Variants in RPAP2 observed in about 807,000 individuals in gnomAD.
RPAP2 encodes putative RNA polymerase II subunit B1 CTD phosphatase RPAP2.
A neutral mutation model predicts 73.1 loss-of-function variants in RPAP2; 52 were observed. That is an observed-to-expected ratio of 0.71 (90% confidence interval 0.57 to 0.90). RPAP2 has a LOEUF of 0.90. RPAP2 is among the 40% of genes least tolerant of loss of function. The probability of loss-of-function intolerance (pLI) is 0.00; values close to 1 mark genes in which losing one functional copy is unlikely to be tolerated. For synonymous variants in RPAP2, 225 were observed against 242.1 expected, an observed-to-expected ratio of 0.93 and a Z score of 0.65; for missense variants, 598 against 701.8, an observed-to-expected ratio of 0.85 and a Z score of 1.67.
chr1:92,380,463 A>G (rs1191524485), intron 11 of RPAP2, among the ~76,000 whole-genome samples: 1 of 152,146 alleles, frequency 6.6e-6, no homozygotes, highest in Non-Finnish European at 1.5e-5. Context: ...GCAGAATTTT[A>G]GTAGTTTTTG....
At chr1:92,309,708 A>G (rs1308180701) in intron 6 of RPAP2, among the ~76,000 whole-genome samples, 1 of 152,216 alleles carries the variant, frequency 6.6e-6, no homozygotes, top group Non-Finnish European at 1.5e-5. Flanking sequence ...GTTGACTTTA[A>G]TGGGGACCTG....
chr1:92,332,765 C>G (rs1223992472), intron 8 of RPAP2, among the ~76,000 whole-genome samples: 4 of 152,040 alleles, frequency 2.6e-5, no homozygotes, highest in African/African-American at 9.7e-5. Context: ...TTGAAGGATA[C>G]CCTGAACTCT....
At chr1:92,319,345 G>A (rs1167336109) in intron 6 of RPAP2, among the ~76,000 whole-genome samples, 1 of 152,150 alleles carries the variant, frequency 6.6e-6, no homozygotes, top group Non-Finnish European at 1.5e-5. Context: ...GTGATTTTGG[G>A]CAAATTGCTT....
intron 12 of RPAP2, among the ~76,000 whole-genome samples, chr1:92,384,876 G>T (rs914011537): frequency 2.0e-5 from 3 of 152,106 alleles, no homozygotes; most frequent in African/African-American, 7.2e-5. Context: ...TTGGCTGGGT[G>T]CAGTAGCTTA....
chr1:92,324,303 G>A lies in RPAP2; in HGVS notation c.1383G>A (p.Leu461=), dbSNP rs755854374. ...AAAAAGAAACTGAAAAGTTAAATCTGAGGATCAGGGAGTTTTACAGAGGAC... is the reference window on the plus strand; with the variant it reads ...AAAAAGAAACTGAAAAGTTAAATCTAAGGATCAGGGAGTTTTACAGAGGAC... The part of the protein sequence containing the change: ...NLKKETEKLN[L]RIREFYRGRY... Residue 461 remains leucine (L), a synonymous_variant, in exon 8 of 13, where the codon CTG becomes CTA. Transcript: ENST00000610020. 5.6e-6 allele frequency: 9 copies of A among 1,614,070 alleles called. No individual in the cohort carries two copies. In the Admixed American group the frequency reaches 1.5e-4, roughly 27 times the overall value.
rs1571129478 is a variant in RPAP2, at chr1:92,364,656, T to C, written c.1689-16068T>C. ...GAATTGTGCTTCTCTTTATCTCTCA[T>C]ATCTAATCAATTGCTAAGTCCTTTT... On this transcript the variant is annotated intron_variant, in intron 11 of 12. Transcript: ENST00000610020. 1.3e-5 allele frequency among the ~76,000 whole-genome samples: 2 copies of C among 152,196 alleles called. 1 individual carries two copies. The highest frequency in any genetic ancestry group is 3.9e-4 in the East Asian group (2 of 5,192).
intron 11 of RPAP2, among the ~76,000 whole-genome samples, chr1:92,377,890 T>A (rs1041190032): frequency 6.6e-6 from 1 of 152,220 alleles, no homozygotes; most frequent in African/African-American, 2.4e-5. Context: ...AGAGAAGTAT[T>A]ATTATTCCTA....
At position 92,355,877 on chromosome 1, in the gene RPAP2, T is replaced by G. The variant is rs1013366684; in HGVS notation, c.1688+9963T>G. Among the ~76,000 whole-genome samples the G allele has an allele frequency of 9.2e-5, 14 of 152,250 alleles. 1 individual carries two copies. In the Middle Eastern group the frequency reaches 0.01, roughly 111 times the overall value. ...AATCCAAACTCCAAAACAGTTCTGG[T>G]CCCAAGCATTTTAGATAAGGGATAC... On this transcript the variant is annotated intron_variant, in intron 11 of 12. Transcript: ENST00000610020.
rs930824058 is a variant in RPAP2 at position 92,390,575 on chromosome 1, C to G, written c.*3564C>G. On this transcript the variant is annotated 3_prime_UTR_variant, in exon 13 of 13. Coordinates refer to ENST00000610020, the MANE Select transcript of RPAP2 (RefSeq NM_024813.3). The stretch of plus-strand genomic sequence containing the variant: ...ACCTTAAATGTAAATGGGATAAATG[C>G]CCCAATTAAAAGACACAGACTGGCA... The G allele has an allele frequency of 2.0e-5, 3 of 152,100 alleles. No individual in the cohort carries two copies. The highest frequency in any genetic ancestry group is 7.2e-5 in the African/African-American group (3 of 41,402). 9.4% of individuals were successfully genotyped at this position (152,100 alleles called of 1,614,324 possible).
rs1410547952 is a variant in RPAP2 at position 92,391,156 on chromosome 1, T to C, written c.*4145T>C. Reference sequence around the variant, plus strand: ...TGGAAGTAAAGCACTCTTCAGCAAATGCAAAAGAACAGAAATCACAACAAA... The same window carrying C: ...TGGAAGTAAAGCACTCTTCAGCAAACGCAAAAGAACAGAAATCACAACAAA... On this transcript the variant is annotated 3_prime_UTR_variant, in exon 13 of 13. Coordinates refer to ENST00000610020, the MANE Select transcript of RPAP2 (RefSeq NM_024813.3). The C allele has an allele frequency of 6.6e-6, 1 of 152,092 alleles. No individual in the cohort carries two copies. The highest frequency in any genetic ancestry group is 6.5e-5 in the Admixed American group (1 of 15,268). The allele number at this position is 152,092 out of a possible 1,614,324, so 9.4% of individuals were successfully genotyped here. A position where few individuals can be genotyped will look rare whatever the true frequency, so the allele number is the denominator to read the frequency against.
intron 6 of RPAP2, among the ~76,000 whole-genome samples, chr1:92,313,081 G>T (rs1651694036): frequency 6.6e-6 from 1 of 152,140 alleles, no homozygotes; most frequent in Non-Finnish European, 1.5e-5. Flanking sequence ...TGGCCAGGCT[G>T]GTCTCGAACT....
At chr1:92,369,268 A>G (rs1354872290) in intron 11 of RPAP2, among the ~76,000 whole-genome samples, 7 of 152,074 alleles carry the variant, frequency 4.6e-5, no homozygotes, top group Admixed American at 1.3e-4. Context: ...CCACCATGTT[A>G]TTATGGGGTT....
rs1358018222 is a variant in RPAP2, at chr1:92,388,353, CA to C, written c.*1344del. The C allele has an allele frequency of 2.0e-5, 3 of 152,286 alleles. No individual in the cohort carries two copies. The highest frequency in any genetic ancestry group is 7.2e-5 in the African/African-American group (3 of 41,418). The allele number at this position is 152,286 out of a possible 1,614,324, so 9.4% of individuals were successfully genotyped here. On this transcript the variant is annotated 3_prime_UTR_variant, in exon 13 of 13. Coordinates refer to ENST00000610020, the MANE Select transcript of RPAP2 (RefSeq NM_024813.3). ...CCCAGGAGTTCAAGACCAGCCTGGG[CA>C]ACAAAGTGAGACCCTGTCTCCACAA...
At chr1:92,357,461 G>C (rs1654532647) in intron 11 of RPAP2, among the ~76,000 whole-genome samples, 1 of 152,178 alleles carries the variant, frequency 6.6e-6, no homozygotes, top group African/African-American at 2.4e-5. Flanking sequence ...AGTATTCTAG[G>C]AAGTACCTAT....
intron 7 of RPAP2, 112 bp downstream of exon 7, chr1:92,320,746 G>A (rs920227998): frequency 2.7e-6 from 2 of 735,002 alleles, no homozygotes; most frequent in Admixed American, 4.5e-5. Flanking sequence ...CATTATGTAA[G>A]TGTCCCATTC....
At chr1:92,341,238 A>G (rs1653575824) in intron 10 of RPAP2, among the ~76,000 whole-genome samples, 1 of 152,112 alleles carries the variant, frequency 6.6e-6, no homozygotes, top group Non-Finnish European at 1.5e-5. Context: ...CGAACTCCTG[A>G]GCCCAAGCAA....
At chr1:92,368,515 CAG>C (rs1655019660) in intron 11 of RPAP2, among the ~76,000 whole-genome samples, 1 of 152,160 alleles carries the variant, frequency 6.6e-6, no homozygotes. Context: ...TTTCTGTTGA[CAG>C]AATACAAACT....
At chr1:92,322,603 G>A (rs996339899) in intron 7 of RPAP2, among the ~76,000 whole-genome samples, 2 of 151,432 alleles carry the variant, frequency 1.3e-5, no homozygotes, top group Admixed American at 6.6e-5. Context: ...AGCCGGGCAC[G>A]GTGGCTCACC....
chr1:92,348,159 G>A (rs1310917172), intron 11 of RPAP2, among the ~76,000 whole-genome samples: 1 of 152,154 alleles, frequency 6.6e-6, no homozygotes, highest in Non-Finnish European at 1.5e-5. Context: ...AAAGTGCTGT[G>A]ATTACAGGCA....
Sources: allele counts gnomAD v4.1 joint callset (sites outside exome capture counted in the v4.1 genomes callset), GRCh38; gene constraint gnomAD v4.1.1; transcripts MANE v1.5; gene names NCBI Gene and HGNC (gene_info 2026-07-23, HGNC 2026-07-21).